Variants in PAMR1 observed in about 807,000 individuals in gnomAD.
PAMR1 encodes peptidase domain containing associated with muscle regeneration 1.
In PAMR1, 88 loss-of-function variants were observed where a neutral mutation model predicts 81.8. The ratio of observed to expected loss-of-function variants is 1.08; its 90% CI spans 0.91 to 1.28. The LOEUF (loss-of-function observed/expected upper bound fraction) is 1.28, where lower values mean the gene tolerates loss of function less well. PAMR1 is among the 50% of genes most tolerant of loss of function. The pLI is 0.00. For missense variants in PAMR1, 935 were observed against 919.7 expected (o/e 1.02, Z -0.21); for synonymous variants, 336 against 345.3 (o/e 0.97, Z 0.30).
intron 1 of PAMR1, among the ~76,000 whole-genome samples, chr11:35,500,470 T>C (rs1850812305): frequency 6.6e-6 from 1 of 152,120 alleles, no homozygotes; most frequent in Non-Finnish European, 1.5e-5. Flanking sequence ...TGCTCACAGT[T>C]CAATAGAGAA....
In PAMR1 at chr11:35,492,194, G is replaced by C. The variant is rs115919239; in HGVS notation, c.251-21C>G. 69 of 1,613,618 alleles carry C rather than the reference G, an allele frequency of 4.3e-5. No individual in the cohort carries two copies. In the African/African-American group the frequency reaches 8.0e-4, roughly 19 times the overall value. On this transcript the variant is annotated intron_variant, in intron 2 of 10. Transcript: ENST00000619888. ...ACAACCTGAAACATTCCCAAGAAGA[G>C]GAGTGTTAGGCCAAAGCACCTGCGA... is the stretch of plus-strand genomic sequence containing the variant.
chr11:35,515,096 A>G (rs1001056167), intron 1 of PAMR1, among the ~76,000 whole-genome samples: 18 of 152,218 alleles, frequency 1.2e-4, no homozygotes, highest in African/African-American at 3.4e-4. Context: ...AATGAAATAT[A>G]AGCTATACCC....
At chr11:35,492,525 A>G (rs1276823016) in intron 2 of PAMR1, among the ~76,000 whole-genome samples, 1 of 152,256 alleles carries the variant, frequency 6.6e-6, no homozygotes, top group East Asian at 1.9e-4. Context: ...TTAGACCAGT[A>G]AAAAGAATTA....
Position 35,457,469 on chromosome 11 carries a change from G to A in PAMR1, c.820+10532C>T, listed in dbSNP as rs565568662. 8.6e-5 allele frequency among the ~76,000 whole-genome samples: 13 copies of A among 151,288 alleles called. No individual in the cohort carries two copies. In the South Asian group the frequency reaches 2.7e-3, roughly 32 times the overall value. On this transcript the variant is annotated intron_variant, in intron 6 of 10. Coordinates refer to ENST00000619888, the MANE Select transcript of PAMR1 (RefSeq NM_001001991.3). ...ATGGCACTTCTCAGCCTCCATAATT[G>A]TGTGAGCCAATACTTTGTGTGTATG...
intron 1 of PAMR1, among the ~76,000 whole-genome samples, chr11:35,499,445 A>C (rs888571313): frequency 6.6e-6 from 1 of 152,128 alleles, no homozygotes; most frequent in African/African-American, 2.4e-5. Flanking sequence ...CTAATAACTC[A>C]AGGGAGGACA....
chr11:35,473,723 G>A, intron 4 of PAMR1, among the ~76,000 whole-genome samples: 1 of 152,164 alleles, frequency 6.6e-6, no homozygotes, highest in Admixed American at 6.5e-5. Context: ...CAAGGAGCCA[G>A]GTAGCATGTG....
At chr11:35,509,597 C>T (rs1851036528) in intron 1 of PAMR1, among the ~76,000 whole-genome samples, 1 of 152,180 alleles carries the variant, frequency 6.6e-6, no homozygotes, top group Non-Finnish European at 1.5e-5. Context: ...AGTTAAGTTG[C>T]TAATAAATTT....
At position 35,436,145 on chromosome 11, in the gene PAMR1, G is replaced by A. The variant is rs1856039352; in HGVS notation, c.1101-10C>T. The A allele has an allele frequency of 1.3e-6, 2 of 1,581,976 alleles. No homozygotes were observed. The highest frequency in any genetic ancestry group is 1.7e-5 in the Admixed American group (1 of 59,884). ...GTGTAATGGTGTCTCCCTGGGTCAG[G>A]AAACATGGGCCCAGAGAAAGAGCAG... On this transcript the variant is annotated splice_polypyrimidine_tract_variant and intron_variant, in intron 8 of 10. Coordinates refer to ENST00000619888, the MANE Select transcript of PAMR1 (RefSeq NM_001001991.3).
intron 6 of PAMR1, among the ~76,000 whole-genome samples, chr11:35,463,664 C>A (rs903324971): frequency 1.6e-4 from 24 of 152,172 alleles, no homozygotes; most frequent in African/African-American, 5.8e-4. Context: ...AGCTTGGCCT[C>A]AAGGCGGAGG....
chr11:35,480,972 G>T (rs558913411), intron 3 of PAMR1, among the ~76,000 whole-genome samples: 2 of 152,168 alleles, frequency 1.3e-5, no homozygotes, highest in Non-Finnish European at 2.9e-5. Context: ...TTCTGTTCCT[G>T]TGTTAGTTTG....
chr11:35,487,800 C>G (rs764256490), intron 3 of PAMR1, among the ~76,000 whole-genome samples: 1 of 152,148 alleles, frequency 6.6e-6, no homozygotes, highest in Non-Finnish European at 1.5e-5. Flanking sequence ...TGGGCTTTAC[C>G]CCAAAGTGTA....
rs548006938 is a variant in PAMR1 at position 35,511,893 on chromosome 11, G to T, written c.73+13620C>A. On this transcript the variant is annotated intron_variant, in intron 1 of 10. Coordinates refer to ENST00000619888, the MANE Select transcript of PAMR1 (RefSeq NM_001001991.3). The stretch of plus-strand genomic sequence containing the variant: ...AATGATGAGACTGTGAGTCAGAGGC[G>T]ACAGATTGCTTGCTGGGGCTCTTGG... Among the ~76,000 whole-genome samples the T allele has an allele frequency of 4.6e-4, 70 of 152,260 alleles. 1 individual carries two copies. In the South Asian group the frequency reaches 4.8e-3, roughly 10 times the overall value.
intron 6 of PAMR1, among the ~76,000 whole-genome samples, chr11:35,456,779 T>C (rs572289621): frequency 6.6e-4 from 101 of 152,306 alleles, no homozygotes; most frequent in Non-Finnish European, 1.2e-3. Flanking sequence ...CTGGGAAGTA[T>C]TGTTGGCTCT....
intron 10 of PAMR1, among the ~76,000 whole-genome samples, chr11:35,433,495 T>A (rs1855955181): frequency 6.6e-6 from 1 of 152,242 alleles, no homozygotes; most frequent in Non-Finnish European, 1.5e-5. Context: ...GGAGCACACA[T>A]CTTGTAAAAT....
At chr11:35,495,232 A>C (rs1199304120) in intron 1 of PAMR1, among the ~76,000 whole-genome samples, 3 of 152,216 alleles carry the variant, frequency 2.0e-5, no homozygotes, top group African/African-American at 7.2e-5. Context: ...AAAGACAAAA[A>C]ATACCTTAAT....
intron 6 of PAMR1, among the ~76,000 whole-genome samples, chr11:35,453,134 G>A (rs1856454370): frequency 6.6e-6 from 1 of 152,150 alleles, no homozygotes. Context: ...ACACTTACCT[G>A]GTTGGGCTTG....
chr11:35,515,445 C>G (rs1851144680), intron 1 of PAMR1, among the ~76,000 whole-genome samples: 1 of 152,220 alleles, frequency 6.6e-6, no homozygotes, highest in African/African-American at 2.4e-5. Context: ...CTGACAGCAA[C>G]TTCAGGCAGG....
At position 35,432,170 on chromosome 11, in the gene PAMR1, C is replaced by T. The variant is rs1048193; in HGVS notation, c.*186G>A. ...TCCAATTGGCTGTCCTAGTAGTGGA[C>T]GCGGCATCAGCCTACCAGCAATGGA... On this transcript the variant is annotated 3_prime_UTR_variant, in exon 11 of 11. Transcript: ENST00000619888. 4.1e-5 allele frequency: 25 copies of T among 603,858 alleles called. No individual in the cohort carries two copies. The highest frequency in any genetic ancestry group is 1.5e-4 in the Admixed American group (5 of 33,764). 37.4% of individuals were successfully genotyped at this position (603,858 alleles called of 1,614,324 possible).
intron 1 of PAMR1, among the ~76,000 whole-genome samples, chr11:35,524,455 T>C (rs1851347020): frequency 6.6e-6 from 1 of 152,104 alleles, no homozygotes; most frequent in Non-Finnish European, 1.5e-5. Context: ...GCATTTAGTA[T>C]CCTCCCCACC....
Sources: gnomAD v4.1 joint callset for allele counts (sites outside exome capture counted in the v4.1 genomes callset) on GRCh38, gnomAD v4.1.1 for gene constraint, MANE v1.5 for transcripts, NCBI Gene and HGNC (gene_info 2026-07-23, HGNC 2026-07-21) for gene names.